HMCN1: variants seen among roughly 807,000 people sequenced by gnomAD.
HMCN1 encodes the protein hemicentin 1.
Under a neutral mutation model 625.9 loss-of-function variants are expected in HMCN1, and 321 were observed. That is an observed-to-expected ratio of 0.51 (90% CI 0.47 to 0.56). HMCN1 has a LOEUF of 0.56. Ranked by LOEUF, HMCN1 falls within the 20% of genes least tolerant of loss-of-function variation. The pLI, the probability that HMCN1 is intolerant of heterozygous loss-of-function variation, is 0.00. For synonymous variants in HMCN1, 2,425 were observed against 2,417.6 expected (o/e 1.00, Z -0.09); for missense variants, 6,588 against 6,887.3 (o/e 0.96, Z 1.54).
rs1424577180 is a variant in HMCN1 at position 185,901,616 on chromosome 1, T to C, written c.622-7721T>C. On this transcript the variant is annotated intron_variant, in intron 4 of 106. Transcript: ENST00000271588. ...GCTTAGCATGTAAGTGCTGTTTAAA[T>C]GGTAGCCATCAAAACAATGATCCAG... 2.0e-5 allele frequency among the ~76,000 whole-genome samples: 3 copies of C among 151,830 alleles called. No homozygotes were observed. The East Asian group carries it at 5.8e-4, about 29-fold the overall frequency.
chr1:185,781,822 C>T (rs1304898513), intron 1 of HMCN1, among the ~76,000 whole-genome samples: 2 of 152,166 alleles, frequency 1.3e-5, no homozygotes, highest in African/African-American at 4.8e-5. Flanking sequence ...CATGTATGTT[C>T]TGTTGATTTG....
Position 186,111,129 on chromosome 1 carries a change from C to T in HMCN1, c.10990-1683C>T, listed in dbSNP as rs138770868. On this transcript the variant is annotated intron_variant, in intron 71 of 106. Transcript: ENST00000271588. ...CCAAGTAGCTGGGACTACAGGCACCCACCACCAGGCCCGGCTACTTTTTTG... is the reference window on the plus strand; with the variant it reads ...CCAAGTAGCTGGGACTACAGGCACCTACCACCAGGCCCGGCTACTTTTTTG... 2.5e-4 allele frequency among the ~76,000 whole-genome samples: 37 copies of T among 150,672 alleles called. 2 individuals are homozygous for T. The East Asian group carries it at 6.7e-3, about 27-fold the overall frequency.
chr1:185,993,338 A>G (rs756734676), intron 23 of HMCN1, 29 bp downstream of exon 23: 15 of 1,610,818 alleles, frequency 9.3e-6, no homozygotes, highest in East Asian at 2.2e-5. Context: ...ACATATGACA[A>G]CCCTGTGGAC....
chr1:186,181,939 A>G (rs1652959817), intron 104 of HMCN1, among the ~76,000 whole-genome samples: 1 of 152,220 alleles, frequency 6.6e-6, no homozygotes, highest in African/African-American at 2.4e-5. Flanking sequence ...TTACACAAAG[A>G]AATGTCCATA....
rs543561911 is a variant in HMCN1, at chr1:185,751,300, A to G, written c.268+16253A>G. ...GTAGTTTAGTTAAGTATAAAATTCT[A>G]TATCTAACTTAGCCCATTGAAGATA... On this transcript the variant is annotated intron_variant, in intron 1 of 106. Transcript: ENST00000271588. Among the ~76,000 whole-genome samples the G allele has an allele frequency of 1.1e-4, 17 of 152,254 alleles. 1 individual carries two copies. In the South Asian group the frequency reaches 3.3e-3, roughly 30 times the overall value.
chr1:185,946,515 G>A lies in HMCN1; in HGVS notation c.1828+12691G>A, dbSNP rs569884030. Among the ~76,000 whole-genome samples, 4 of 152,242 alleles carry A rather than the reference G, an allele frequency of 2.6e-5. 1 individual carries two copies. The South Asian group carries it at 8.3e-4, about 32-fold the overall frequency. ...AATGGGAAGGCAAGTCTAAACTTTG[G>A]CCTTTCTGTCTTATTTGAAAATTCT... On this transcript the variant is annotated intron_variant, in intron 11 of 106. Coordinates refer to ENST00000271588, the MANE Select transcript of HMCN1 (RefSeq NM_031935.3).
rs1191397719 is a variant in HMCN1 at position 186,166,303 on chromosome 1, G to T, written c.15439G>T (p.Asp5147Tyr). ...AGCTGCAGATGGAAGAACTTGTCAA[G>T]GTATTCACAAATCTAATACACACAT... Reference protein sequence around the residue: ...TIAADGRTCQDIDECALGRHT... With the variant: ...TIAADGRTCQYIDECALGRHT... The change falls in exon 99 of 107, where the codon GAT becomes TAT. Residue 5147 changes from aspartate (D) to tyrosine (Y), a missense_variant and splice_region_variant. This residue lies in a region of HMCN1 where 1,954 missense variants were observed against 2,013.1 expected (regional missense o/e 0.97). Coordinates refer to ENST00000271588, the MANE Select transcript of HMCN1 (RefSeq NM_031935.3). 6.2e-7 allele frequency: 1 copy of T among 1,614,066 alleles called. No homozygotes were observed. Among genetic ancestry groups the T allele is most frequent in the Middle Eastern group, 1.6e-4 (1 of 6,062 alleles).
At chr1:186,080,178 G>A (rs990659031) in intron 55 of HMCN1, among the ~76,000 whole-genome samples, 2 of 152,138 alleles carry the variant, frequency 1.3e-5, no homozygotes, top group African/African-American at 4.8e-5. Flanking sequence ...GAATGTGAAA[G>A]TACGCATTCA....
rs1335719174 is a variant in HMCN1, at chr1:186,174,489, C to T, written c.15815-25C>T. On this transcript the variant is annotated intron_variant, in intron 102 of 106. Coordinates refer to ENST00000271588, the MANE Select transcript of HMCN1 (RefSeq NM_031935.3). ...TTTGGGTTTGAAAGAGGAAATGTTA[C>T]TTCTCATTGCCTCCATGTCTGTAGA... 1.9e-6 allele frequency: 3 copies of T among 1,612,608 alleles called. No homozygotes were observed. In the African/African-American group the frequency reaches 4.0e-5, roughly 22 times the overall value.
At chr1:186,139,836 A>T (rs1394321306) in intron 89 of HMCN1, among the ~76,000 whole-genome samples, 1 of 151,482 alleles carries the variant, frequency 6.6e-6, no homozygotes, top group Non-Finnish European at 1.5e-5. Flanking sequence ...TTTCCTCCTC[A>T]CCCCTAGAGA....
chr1:186,088,094 C>T, intron 61 of HMCN1, 51 bp from the exon 62 acceptor site: 1 of 1,607,042 alleles, frequency 6.2e-7, no homozygotes, highest in Non-Finnish European at 8.5e-7. Flanking sequence ...TTAATGAGGA[C>T]AAATGATTTT....
At chr1:186,064,538 G>A (rs887189629) in intron 48 of HMCN1, among the ~76,000 whole-genome samples, 2 of 151,814 alleles carry the variant, frequency 1.3e-5, no homozygotes, top group Admixed American at 1.3e-4. Flanking sequence ...GGCCAGGCAC[G>A]GTGGCTCACG....
At chr1:186,147,919 T>G (rs576587565) in intron 93 of HMCN1, among the ~76,000 whole-genome samples, 2 of 152,320 alleles carry the variant, frequency 1.3e-5, no homozygotes, top group South Asian at 4.2e-4. Context: ...CTGTGGCAAT[T>G]TCTTAAAATA....
At chr1:186,165,376 T>C (rs896581405) in intron 98 of HMCN1, among the ~76,000 whole-genome samples, 4 of 152,250 alleles carry the variant, frequency 2.6e-5, no homozygotes, top group Non-Finnish European at 5.9e-5. Flanking sequence ...AGAGCTGCAT[T>C]TGAATTTAAG....
intron 36 of HMCN1, among the ~76,000 whole-genome samples, chr1:186,025,507 T>C (rs1232280304): frequency 2.6e-5 from 4 of 152,210 alleles, no homozygotes; most frequent in Non-Finnish European, 5.9e-5. Flanking sequence ...TGGAAAAACA[T>C]TGGCCTAGAT....
At chr1:185,975,353 A>G (rs1468000958) in intron 15 of HMCN1, among the ~76,000 whole-genome samples, 1 of 152,186 alleles carries the variant, frequency 6.6e-6, no homozygotes, top group Non-Finnish European at 1.5e-5. Flanking sequence ...CAGGAAACTT[A>G]TAATCATGGC....
At position 185,899,479 on chromosome 1, in the gene HMCN1, T is replaced by A. The variant is rs1393928282; in HGVS notation, c.622-9858T>A. 1.1e-4 allele frequency among the ~76,000 whole-genome samples: 16 copies of A among 152,310 alleles called. No individual in the cohort carries two copies. In the East Asian group the frequency reaches 2.9e-3, roughly 28 times the overall value. ...GCAGTATTTGTCGACTTTTAACAAT[T>A]TGAAATTTATGTAAACTATTTTCTC... On this transcript the variant is annotated intron_variant, in intron 4 of 106. Coordinates refer to ENST00000271588, the MANE Select transcript of HMCN1 (RefSeq NM_031935.3).
intron 104 of HMCN1, 129 bp downstream of exon 104, chr1:186,178,895 T>C (rs930529775): frequency 4.0e-6 from 3 of 746,852 alleles, no homozygotes; most frequent in Non-Finnish European, 7.3e-6. Context: ...ACTCAAAATT[T>C]CAAGACATTT....
chr1:185,749,208 A>G (rs535134669), intron 1 of HMCN1, among the ~76,000 whole-genome samples: 82 of 152,350 alleles, frequency 5.4e-4, no homozygotes, highest in Non-Finnish European at 7.9e-4. Context: ...GTGAGACTAT[A>G]TACTATTGGT....
Sources: allele counts gnomAD v4.1 joint callset (sites outside exome capture counted in the v4.1 genomes callset), GRCh38; gene constraint gnomAD v4.1.1; regional missense constraint gnomAD v4.1.1; transcripts MANE v1.5; gene names NCBI Gene and HGNC (gene_info 2026-07-23, HGNC 2026-07-21).